Variants in SEC23A observed in about 807,000 individuals in gnomAD.
The protein encoded by SEC23A is protein transport protein Sec23A.
SEC23A carries 56 observed loss-of-function variants against 103.7 expected under a neutral mutation model. The observed-to-expected ratio is 0.54, with a 90% CI of 0.44 to 0.67. SEC23A has a LOEUF of 0.67. Ranked by LOEUF, SEC23A falls within the 30% of genes least tolerant of loss-of-function variation. The pLI is 0.00. For synonymous variants in SEC23A, 281 were observed against 293.0 expected, an observed-to-expected ratio of 0.96 and a Z score of 0.42; for missense variants, 784 against 936.4, an observed-to-expected ratio of 0.84 and a Z score of 2.12.
intron 14 of SEC23A, among the ~76,000 whole-genome samples, chr14:39,050,418 A>C (rs903370062): frequency 6.6e-6 from 1 of 152,224 alleles, no homozygotes; most frequent in African/African-American, 2.4e-5. Flanking sequence ...GTATCTGTAA[A>C]AACAGTAAAG....
intron 7 of SEC23A, among the ~76,000 whole-genome samples, chr14:39,084,438 A>G (rs1887355737): frequency 6.6e-6 from 1 of 152,194 alleles, no homozygotes; most frequent in African/African-American, 2.4e-5. Flanking sequence ...TTCCAGAATC[A>G]TGTCTGTACA....
rs760230517 is a variant in SEC23A at position 39,040,753 on chromosome 14, G to A, written c.2121C>T (p.Asp707=). Residue 707 remains aspartate (D), a synonymous_variant, in exon 18 of 20, where the codon GAC becomes GAT. Transcript: ENST00000307712. ...TTACCTGGCTGCCTCCATGTTCAGT[G>A]TCAATGTATCTTGGCATTGGAAATC... ...HSRFPMPRYI[D]TEHGGSQARF... is the part of the protein sequence containing the mutation. 15 of 1,614,062 alleles carry A rather than the reference G, an allele frequency of 9.3e-6. No individual in the cohort carries two copies. The South Asian group carries it at 1.6e-4, about 18-fold the overall frequency.
intron 15 of SEC23A, 63 bp downstream of exon 15, chr14:39,048,589 G>C: frequency 9.9e-7 from 1 of 1,014,664 alleles, no homozygotes; most frequent in Non-Finnish European, 1.6e-6. Context: ...GACATAGGGA[G>C]AGCCTGTCTC....
Position 39,032,094 on chromosome 14 carries a change from C to G in SEC23A, c.*1145G>C, listed in dbSNP as rs1195135501. 6.6e-6 allele frequency: 1 copy of G among 152,552 alleles called. No homozygotes were observed. Among genetic ancestry groups the G allele is most frequent in the African/African-American group, 2.4e-5 (1 of 41,432 alleles). 9.4% of individuals were successfully genotyped at this position (152,552 alleles called of 1,614,324 possible). A position where few individuals can be genotyped will look rare whatever the true frequency, so the allele number is the denominator to read the frequency against. ...TGCAAGTACAATCATTAAAACTGTC[C>G]TCCTAAGCATATATCATAGCACCAC... On this transcript the variant is annotated 3_prime_UTR_variant, in exon 20 of 20. Coordinates refer to ENST00000307712, the MANE Select transcript of SEC23A (RefSeq NM_006364.4).
At position 39,049,925 on chromosome 14, in the gene SEC23A, C is replaced by T. The variant is rs542418313; in HGVS notation, c.1660-1196G>A. Among the ~76,000 whole-genome samples the T allele has an allele frequency of 4.6e-5, 7 of 152,058 alleles. No homozygotes were observed. In the East Asian group the frequency reaches 1.2e-3, roughly 25 times the overall value. ...CTCCTGCCTCAGGCATCCGCCGCCA[C>T]GCCCAGCTAATTTTTTGTATTTTTA... On this transcript the variant is annotated intron_variant, in intron 14 of 19. Coordinates refer to ENST00000307712, the MANE Select transcript of SEC23A (RefSeq NM_006364.4).
intron 1 of SEC23A, among the ~76,000 whole-genome samples, chr14:39,100,371 G>A (rs1309083348): frequency 6.6e-6 from 1 of 151,194 alleles, no homozygotes; most frequent in African/African-American, 2.4e-5. Context: ...TCCCATGTCC[G>A]ACAATGGCAT....
chr14:39,055,324 G>A, intron 13 of SEC23A, 28 bp from the exon 14 acceptor site: 3 of 1,610,840 alleles, frequency 1.9e-6, no homozygotes, highest in East Asian at 2.2e-5. Flanking sequence ...GCATAGAAAT[G>A]CTTCTGAATT....
chr14:39,047,132 C>T (rs1885866240), intron 15 of SEC23A, among the ~76,000 whole-genome samples: 1 of 152,238 alleles, frequency 6.6e-6, no homozygotes, highest in South Asian at 2.1e-4. Flanking sequence ...GATTATCAGA[C>T]TTTGAAAACC....
chr14:39,051,407 T>C (rs1402318068), intron 14 of SEC23A, among the ~76,000 whole-genome samples: 1 of 152,218 alleles, frequency 6.6e-6, no homozygotes, highest in African/African-American at 2.4e-5. Context: ...TGCTGCAGAA[T>C]GTAGAATGTG....
chr14:39,070,391 T>C (rs1414899782), intron 9 of SEC23A, among the ~76,000 whole-genome samples: 1 of 152,178 alleles, frequency 6.6e-6, no homozygotes, highest in Non-Finnish European at 1.5e-5. Flanking sequence ...GTGACGACAG[T>C]TACCCTGATG....
intron 15 of SEC23A, among the ~76,000 whole-genome samples, chr14:39,047,879 G>C (rs1885897081): frequency 6.6e-6 from 1 of 152,182 alleles, no homozygotes; most frequent in African/African-American, 2.4e-5. Context: ...AAGATGGAGG[G>C]ATAGATTCCA....
chr14:39,072,927 G>A (rs1385707849), intron 9 of SEC23A, among the ~76,000 whole-genome samples: 5 of 152,132 alleles, frequency 3.3e-5, no homozygotes, highest in East Asian at 1.9e-4. Flanking sequence ...TGGGAAAATC[G>A]TTAGACAGTT....
intron 15 of SEC23A, among the ~76,000 whole-genome samples, chr14:39,045,740 C>T (rs947202721): frequency 3.9e-5 from 6 of 152,228 alleles, no homozygotes; most frequent in Admixed American, 1.3e-4. Flanking sequence ...CAGAGGCTGA[C>T]GCCAGGTAGT....
At chr14:39,081,816 C>A (rs1887237354) in intron 7 of SEC23A, among the ~76,000 whole-genome samples, 2 of 151,938 alleles carry the variant, frequency 1.3e-5, no homozygotes, top group Non-Finnish European at 2.9e-5. Context: ...GACATATATG[C>A]ACACACATAT....
chr14:39,083,785 G>A (rs1887322302), intron 7 of SEC23A, among the ~76,000 whole-genome samples: 1 of 151,612 alleles, frequency 6.6e-6, no homozygotes, highest in African/African-American at 2.4e-5. Context: ...GGCTGGTCTC[G>A]AACTCCTGAC....
intron 10 of SEC23A, among the ~76,000 whole-genome samples, chr14:39,065,970 C>T (rs113386692): frequency 1.4e-3 from 167 of 117,490 alleles, no homozygotes; most frequent in African/African-American, 5.4e-3. Flanking sequence ...TGCACTCCAG[C>T]CGGGCAATAA....
intron 10 of SEC23A, 100 bp downstream of exon 10, chr14:39,067,073 A>G: frequency 7.0e-7 from 1 of 1,428,836 alleles, no homozygotes; most frequent in Non-Finnish European, 9.8e-7. Context: ...ACAATTTTGA[A>G]AGTAAATATT....
intron 1 of SEC23A, among the ~76,000 whole-genome samples, chr14:39,098,916 G>A (rs1887987223): frequency 6.6e-6 from 1 of 150,632 alleles, no homozygotes; most frequent in South Asian, 2.1e-4. Context: ...AAAATAAAAT[G>A]CATCTAAAAC....
chr14:39,101,757 T>A (rs1019472873), intron 1 of SEC23A, among the ~76,000 whole-genome samples: 1 of 152,260 alleles, frequency 6.6e-6, no homozygotes, highest in African/African-American at 2.4e-5. Flanking sequence ...ATGTATTTGT[T>A]AGTTGCCAAT....
Sources: allele counts gnomAD v4.1 joint callset (sites outside exome capture counted in the v4.1 genomes callset), GRCh38; gene constraint gnomAD v4.1.1; transcripts MANE v1.5; gene names NCBI Gene and HGNC (gene_info 2026-07-23, HGNC 2026-07-21).